The following ATP11B variants were observed in gnomAD, a reference collection of about 807,000 sequenced individuals.
ATP11B encodes phospholipid-transporting ATPase IF.
ATP11B carries 81 observed loss-of-function variants against 157.8 expected under a neutral mutation model. That is an observed-to-expected ratio of 0.51 (90% CI 0.43 to 0.62). ATP11B has a LOEUF of 0.62. Among genes scored for constraint, ATP11B ranks in the 20% least tolerant of loss-of-function variants. The pLI is 0.00. For synonymous variants in ATP11B, 451 were observed against 469.4 expected, an observed-to-expected ratio of 0.96 and a Z score of 0.51; for missense variants, 1,165 against 1,402.2, an observed-to-expected ratio of 0.83 and a Z score of 2.70.
intron 1 of ATP11B, among the ~76,000 whole-genome samples, chr3:182,814,791 G>A (rs566446077): frequency 3.9e-5 from 6 of 152,276 alleles, no homozygotes; most frequent in South Asian, 2.1e-4. Flanking sequence ...CTGGGTGACC[G>A]AGCAAGACCT....
chr3:182,881,739 C>G (rs1722442335), intron 21 of ATP11B, among the ~76,000 whole-genome samples: 1 of 151,750 alleles, frequency 6.6e-6, no homozygotes, highest in South Asian at 2.1e-4. Context: ...TTATTTTATC[C>G]TTTTTAAATT....
intron 21 of ATP11B, among the ~76,000 whole-genome samples, chr3:182,882,868 G>A (rs914047677): frequency 6.6e-6 from 1 of 152,108 alleles, no homozygotes; most frequent in African/African-American, 2.4e-5. Context: ...TAATATGGAA[G>A]GATGTGAGCA....
intron 28 of ATP11B, among the ~76,000 whole-genome samples, chr3:182,906,776 TTA>T (rs146817075): frequency 0.059 from 8,032 of 135,984 alleles, 744 homozygotes; most frequent in African/African-American, 0.21. Context: ...TGTATCTGTT[TTA>T]AAAAAAAAAA....
At chr3:182,866,057 A>G (rs1283592088) in intron 13 of ATP11B, among the ~76,000 whole-genome samples, 2 of 152,134 alleles carry the variant, frequency 1.3e-5, no homozygotes, top group African/African-American at 2.4e-5. Context: ...TCTACTTGCA[A>G]TGTGGTTGTA....
At chr3:182,887,562 A>T in intron 23 of ATP11B, 24 bp from the exon 24 acceptor site, 1 of 1,597,760 alleles carries the variant, frequency 6.3e-7, no homozygotes, top group Middle Eastern at 1.7e-4. Flanking sequence ...GAAACTCAAC[A>T]TTCCTACCAA....
intron 28 of ATP11B, among the ~76,000 whole-genome samples, chr3:182,912,925 C>G (rs747232247): frequency 1.3e-5 from 2 of 152,016 alleles, no homozygotes; most frequent in Non-Finnish European, 2.9e-5. Flanking sequence ...AAAACAACAG[C>G]CCTTGAAAAA....
intron 5 of ATP11B, 71 bp from the exon 6 acceptor site, chr3:182,836,271 T>C (rs1049771966): frequency 6.3e-7 from 1 of 1,594,570 alleles, no homozygotes; most frequent in Middle Eastern, 1.7e-4. Flanking sequence ...GCTGCTTCTT[T>C]AGAGCCCAAT....
At chr3:182,848,246 A>G (rs1049703460) in intron 9 of ATP11B, among the ~76,000 whole-genome samples, 1 of 152,226 alleles carries the variant, frequency 6.6e-6, no homozygotes, top group Non-Finnish European at 1.5e-5. Context: ...TATCTGTTAC[A>G]ACTCAGGAAC....
At chr3:182,869,484 T>G (rs1269473436) in intron 17 of ATP11B, among the ~76,000 whole-genome samples, 153 bp downstream of exon 17, 3 of 152,266 alleles carry the variant, frequency 2.0e-5, no homozygotes, top group Non-Finnish European at 4.4e-5. Context: ...GAAAACTGAC[T>G]TTTAACGCAA....
chr3:182,856,270 G>A (rs1024513217), intron 10 of ATP11B, among the ~76,000 whole-genome samples: 1 of 152,112 alleles, frequency 6.6e-6, no homozygotes, highest in Non-Finnish European at 1.5e-5. Context: ...TTAGGTAATA[G>A]GAGCTGTGGT....
intron 4 of ATP11B, among the ~76,000 whole-genome samples, chr3:182,832,368 C>A (rs1718217020): frequency 6.6e-6 from 1 of 152,066 alleles, no homozygotes; most frequent in South Asian, 2.1e-4. Flanking sequence ...AAGATTTTCT[C>A]CTTAACTCAA....
intron 1 of ATP11B, among the ~76,000 whole-genome samples, chr3:182,812,133 G>A (rs985368754): frequency 3.9e-5 from 6 of 151,948 alleles, no homozygotes; most frequent in African/African-American, 1.5e-4. Flanking sequence ...GAATTTTGTG[G>A]TGTACATTTG....
intron 1 of ATP11B, among the ~76,000 whole-genome samples, chr3:182,794,103 G>A (rs1451129404): frequency 6.6e-6 from 1 of 152,240 alleles, no homozygotes; most frequent in Non-Finnish European, 1.5e-5. Context: ...GTCCCGAGCG[G>A]GGTGGCGGTG....
intron 25 of ATP11B, among the ~76,000 whole-genome samples, chr3:182,891,557 A>G (rs1373772691): frequency 6.6e-6 from 1 of 152,178 alleles, no homozygotes; most frequent in Non-Finnish European, 1.5e-5. Flanking sequence ...TGATTACGTA[A>G]TACTCTATTA....
In ATP11B at chr3:182,866,501, T is replaced by C. The variant is rs1721244884; in HGVS notation, c.1619+58T>C. 15 of 1,331,804 alleles carry C rather than the reference T, an allele frequency of 1.1e-5. No homozygotes were observed. In the South Asian group the frequency reaches 2.6e-4, roughly 23 times the overall value. The allele number at this position is 1,331,804 out of a possible 1,614,324, so 82.5% of individuals were successfully genotyped here. A position where few individuals can be genotyped will look rare whatever the true frequency, so the allele number is the denominator to read the frequency against. ...AACACCATTTAAATAAATGTAACAA[T>C]ATTAGAATCATCATTTAAAATTTTC... On this transcript the variant is annotated intron_variant, in intron 14 of 29. Coordinates refer to ENST00000323116, the MANE Select transcript of ATP11B (RefSeq NM_014616.3).
At chr3:182,836,704 A>C (rs1056239951) in intron 6 of ATP11B, 29 of 499,912 alleles carry the variant, frequency 5.8e-5, no homozygotes, top group Middle Eastern at 5.3e-4. Context: ...TTTAGGAAAA[A>C]TATAATCTTT....
intron 10 of ATP11B, among the ~76,000 whole-genome samples, chr3:182,854,211 A>G (rs954393002): frequency 1.3e-5 from 2 of 152,156 alleles, no homozygotes; most frequent in Non-Finnish European, 2.9e-5. Context: ...GGCTCACACC[A>G]GTAATCCCAG....
chr3:182,883,358 A>G (rs1560111210), intron 21 of ATP11B, among the ~76,000 whole-genome samples: 2 of 151,818 alleles, frequency 1.3e-5, no homozygotes, highest in African/African-American at 2.4e-5. Context: ...CCTGGGTTCA[A>G]GCGATTCTCC....
Position 182,918,378 on chromosome 3 carries a change from A to G in ATP11B, c.*274A>G, listed in dbSNP as rs979394985. ...TGTCCCTTGTGCTTATGGGACTCCTAATGGCATTTCAGTCTGTTGCTGAGG... is the reference window on the plus strand; with the variant it reads ...TGTCCCTTGTGCTTATGGGACTCCTGATGGCATTTCAGTCTGTTGCTGAGG... On this transcript the variant is annotated 3_prime_UTR_variant, in exon 30 of 30. Transcript: ENST00000323116. The G allele has an allele frequency of 1.5e-5, 6 of 409,070 alleles. No individual in the cohort carries two copies. Among genetic ancestry groups the G allele is most frequent in the African/African-American group, 4.1e-5 (2 of 48,838 alleles). 25.3% of individuals were successfully genotyped at this position (409,070 alleles called of 1,614,324 possible).
Sources: allele counts gnomAD v4.1 joint callset (sites outside exome capture counted in the v4.1 genomes callset), GRCh38; gene constraint gnomAD v4.1.1; transcripts MANE v1.5; gene names NCBI Gene and HGNC (gene_info 2026-07-23, HGNC 2026-07-21).